The following FAM53B variants were observed in gnomAD, a reference collection of about 807,000 sequenced individuals.
FAM53B encodes protein FAM53B.
Under a neutral mutation model 32.7 loss-of-function variants are expected in FAM53B, and 12 were observed. The ratio of observed to expected loss-of-function variants is 0.37; its 90% CI spans 0.24 to 0.59. The LOEUF (loss-of-function observed/expected upper bound fraction) is 0.59. Ranked by LOEUF, FAM53B falls within the 20% of genes least tolerant of loss-of-function variation. The pLI is 0.72. For missense variants in FAM53B, 477 were observed against 577.7 expected, an observed-to-expected ratio of 0.83 and a Z score of 1.79; for synonymous variants, 234 against 228.7, an observed-to-expected ratio of 1.02 and a Z score of -0.21.
At chr10:124,673,393 C>T (rs767337809) in intron 4 of FAM53B, among the ~76,000 whole-genome samples, 4 of 152,176 alleles carry the variant, frequency 2.6e-5, no homozygotes, top group Non-Finnish European at 5.9e-5. Context: ...CCTTAACAAC[C>T]CACCCATGAG....
intron 4 of FAM53B, among the ~76,000 whole-genome samples, chr10:124,630,492 G>A (rs1589730423): frequency 6.6e-6 from 1 of 152,310 alleles, no homozygotes; most frequent in East Asian, 1.9e-4. Context: ...ACCCCAAAGA[G>A]GCAGCCCTTC....
intron 1 of FAM53B, among the ~76,000 whole-genome samples, chr10:124,738,714 C>T (rs544061542): frequency 1.3e-5 from 2 of 152,066 alleles, no homozygotes; most frequent in African/African-American, 2.4e-5. Context: ...ACTTTAGGCA[C>T]GTAAACAAAA....
intron 1 of FAM53B, among the ~76,000 whole-genome samples, chr10:124,724,446 A>G (rs1470505324): frequency 6.6e-6 from 1 of 152,046 alleles, no homozygotes; most frequent in Non-Finnish European, 1.5e-5. Flanking sequence ...ACAAGCCGCC[A>G]CCCTGCTCTC....
At chr10:124,722,565 G>A (rs993177703) in intron 1 of FAM53B, among the ~76,000 whole-genome samples, 1 of 152,346 alleles carries the variant, frequency 6.6e-6, no homozygotes, top group South Asian at 2.1e-4. Context: ...GCCGGGAACA[G>A]AGATGAGAGA....
At chr10:124,711,981 G>A (rs1424738661) in intron 1 of FAM53B, among the ~76,000 whole-genome samples, 2 of 152,168 alleles carry the variant, frequency 1.3e-5, no homozygotes, top group Non-Finnish European at 2.9e-5. Flanking sequence ...GATGGCTTGA[G>A]CCCAGGAGTT....
intron 4 of FAM53B, among the ~76,000 whole-genome samples, chr10:124,632,810 C>T (rs1949400196): frequency 6.6e-6 from 1 of 152,232 alleles, no homozygotes; most frequent in Admixed American, 6.5e-5. Flanking sequence ...GATGTGCAAT[C>T]GCACCCCATC....
intron 4 of FAM53B, among the ~76,000 whole-genome samples, chr10:124,634,800 T>C (rs971572337): frequency 6.6e-6 from 1 of 152,184 alleles, no homozygotes; most frequent in Non-Finnish European, 1.5e-5. Context: ...GAGTGACTGC[T>C]AAGGGGTATG....
intron 3 of FAM53B, among the ~76,000 whole-genome samples, chr10:124,690,834 T>G (rs17152221): frequency 0.052 from 7,852 of 152,254 alleles, 255 homozygotes; most frequent in East Asian, 0.12. Flanking sequence ...TAATTTTTTT[T>G]CAATGAAAAC....
intron 4 of FAM53B, among the ~76,000 whole-genome samples, chr10:124,647,868 TC>T (rs1949529176): frequency 6.6e-6 from 1 of 152,160 alleles, no homozygotes; most frequent in African/African-American, 2.4e-5. Flanking sequence ...GGTCACTGTT[TC>T]CTACAAAGCC....
chr10:124,676,758 G>A (rs996638005), intron 4 of FAM53B, among the ~76,000 whole-genome samples: 2 of 152,142 alleles, frequency 1.3e-5, no homozygotes, highest in African/African-American at 4.8e-5. Context: ...AGCTCTCCTG[G>A]ACTCACCCCC....
chr10:124,704,166 C>A (rs1949934315), intron 2 of FAM53B: 1 of 152,328 alleles, frequency 6.6e-6, no homozygotes, highest in Non-Finnish European at 1.5e-5. Flanking sequence ...TTGGTCAGAG[C>A]TACTCTAGTC....
In FAM53B at chr10:124,626,402, CA is replaced by C. The variant is rs1466086516; in HGVS notation, c.907-2799del. On this transcript the variant is annotated intron_variant, in intron 4 of 4. Transcript: ENST00000337318. ...TCGAAATTTGTGCCCCCCCCCCCCC[CA>C]CCATTCCTCAGTGCAAAAGGTGGGG... Among the ~76,000 whole-genome samples, 124 of 136,732 alleles carry C rather than the reference CA, an allele frequency of 9.1e-4. 1 individual carries two copies. The highest frequency in any genetic ancestry group is 2.7e-3 in the South Asian group (11 of 4,146). The allele number at this position is 136,732 out of a possible 152,430, so 89.7% of individuals were successfully genotyped here. A position where few individuals can be genotyped will look rare whatever the true frequency, so the allele number is the denominator to read the frequency against.
intron 1 of FAM53B, among the ~76,000 whole-genome samples, chr10:124,736,577 G>A (rs766171184): frequency 3.3e-5 from 5 of 152,296 alleles, no homozygotes; most frequent in Admixed American, 6.5e-5. Context: ...CAAGGCCAAT[G>A]CCAGAGCAAG....
At chr10:124,724,899 G>C (rs1950092608) in intron 1 of FAM53B, among the ~76,000 whole-genome samples, 1 of 152,196 alleles carries the variant, frequency 6.6e-6, no homozygotes, top group Admixed American at 6.5e-5. Flanking sequence ...TGTTTTCGTG[G>C]ATATGAAAGC....
In FAM53B at chr10:124,663,917, C is replaced by G. The variant is rs1589742913; in HGVS notation, c.906+17690G>C. On this transcript the variant is annotated intron_variant, in intron 4 of 4. Transcript: ENST00000337318. ...GCCAAATCTCCCAGGTCTCCCGAGC[C>G]TGGCACGGGACACCTGTATGCCCAG... 2.0e-5 allele frequency among the ~76,000 whole-genome samples: 3 copies of G among 152,246 alleles called. No homozygotes were observed. The South Asian group carries it at 6.2e-4, about 32-fold the overall frequency.
chr10:124,676,087 A>T (rs1052421736), intron 4 of FAM53B, among the ~76,000 whole-genome samples: 3 of 152,228 alleles, frequency 2.0e-5, no homozygotes, highest in Admixed American at 6.5e-5. Context: ...CTAAACTCTG[A>T]CAGCCCAGGT....
intron 1 of FAM53B, among the ~76,000 whole-genome samples, chr10:124,710,622 G>T (rs1459872498): frequency 6.6e-6 from 1 of 152,178 alleles, no homozygotes; most frequent in Non-Finnish European, 1.5e-5. Context: ...GATCCCACAG[G>T]GCGCGAGGTG....
chr10:124,724,954 A>T (rs566386680), intron 1 of FAM53B, among the ~76,000 whole-genome samples: 1 of 152,374 alleles, frequency 6.6e-6, no homozygotes, highest in South Asian at 2.1e-4. Flanking sequence ...GAGCTGCAGA[A>T]GGCAGAGTAC....
At chr10:124,625,567 C>T (rs1046159406) in intron 4 of FAM53B, among the ~76,000 whole-genome samples, 9 of 152,278 alleles carry the variant, frequency 5.9e-5, no homozygotes, top group East Asian at 1.9e-4. Flanking sequence ...GACGATGGAT[C>T]GGCAACCAGG....
Sources: allele counts gnomAD v4.1 joint callset (sites outside exome capture counted in the v4.1 genomes callset), GRCh38; gene constraint gnomAD v4.1.1; transcripts MANE v1.5; gene names NCBI Gene and HGNC (gene_info 2026-07-23, HGNC 2026-07-21).